IKZF2: variants seen among roughly 807,000 people sequenced by gnomAD.
IKZF2 encodes the protein IKAROS family zinc finger 2.
A neutral mutation model predicts 49.2 loss-of-function variants in IKZF2; 15 were observed. The ratio of observed to expected loss-of-function variants is 0.30; its 90% confidence interval spans 0.20 to 0.47. IKZF2 has a LOEUF of 0.47. Ranked by LOEUF, IKZF2 falls within the 20% of genes least tolerant of loss-of-function variation. The pLI, the probability that IKZF2 is intolerant of heterozygous loss-of-function variation, is 1.00. For missense variants in IKZF2, 567 were observed against 664.6 expected (o/e 0.85, Z 1.61); for synonymous variants, 227 against 221.4 (o/e 1.03, Z -0.23).
At chr2:213,090,342 G>T (rs1705162180) in intron 4 of IKZF2, among the ~76,000 whole-genome samples, 2 of 152,138 alleles carry the variant, frequency 1.3e-5, no homozygotes, top group Non-Finnish European at 2.9e-5. Context: ...GTCAAGGCTG[G>T]TAAGGTCTGT....
chr2:213,124,252 G>GCACACACA lies in IKZF2; in HGVS notation c.139+23448_139+23455dup, dbSNP rs66958263. On this transcript the variant is annotated intron_variant, in intron 4 of 8. Coordinates refer to ENST00000434687, the MANE Select transcript of IKZF2 (RefSeq NM_001387220.1). ...CGCACACATGCGCTCGCGCGCGCGCGCACACACACACACACACACACACAC... is the reference window on the plus strand; with the variant it reads ...CGCACACATGCGCTCGCGCGCGCGCGCACACACACACACACACACACACACACACACAC... 4.4e-5 allele frequency among the ~76,000 whole-genome samples: 6 copies of GCACACACA among 136,236 alleles called. 1 individual carries two copies. The highest frequency in any genetic ancestry group is 1.6e-4 in the African/African-American group (6 of 36,870). The allele number at this position is 136,236 out of a possible 152,430, so 89.4% of individuals were successfully genotyped here.
intron 4 of IKZF2, among the ~76,000 whole-genome samples, chr2:213,133,884 A>G (rs1235850440): frequency 1.3e-5 from 2 of 152,150 alleles, no homozygotes; most frequent in African/African-American, 2.4e-5. Flanking sequence ...CTTACAAATA[A>G]AATGGTATTC....
intron 8 of IKZF2, among the ~76,000 whole-genome samples, chr2:213,011,403 G>A (rs1279513135): frequency 6.6e-6 from 1 of 151,906 alleles, no homozygotes; most frequent in Non-Finnish European, 1.5e-5. Context: ...AATAGCGTGA[G>A]GTATCTGGGG....
intron 4 of IKZF2, among the ~76,000 whole-genome samples, chr2:213,078,849 C>T (rs954793706): frequency 6.6e-6 from 1 of 152,220 alleles, no homozygotes; most frequent in African/African-American, 2.4e-5. Context: ...TGTTAACCAA[C>T]TGTGTTCACA....
Position 213,039,273 on chromosome 2 carries a change from G to A in IKZF2, c.574+10440C>T, listed in dbSNP as rs555237579. ...AAGTCAATATTAGGAACTAGTATAA[G>A]CATTCAATATTTCTGAGCTATTTTT... is the stretch of plus-strand genomic sequence containing the variant. On this transcript the variant is annotated intron_variant, in intron 6 of 8. Transcript: ENST00000434687. Among the ~76,000 whole-genome samples the A allele has an allele frequency of 4.6e-5, 7 of 152,052 alleles. No homozygotes were observed. The East Asian group carries it at 1.3e-3, about 29-fold the overall frequency.
At chr2:213,096,656 T>G (rs923243014) in intron 4 of IKZF2, among the ~76,000 whole-genome samples, 3 of 152,010 alleles carry the variant, frequency 2.0e-5, no homozygotes, top group Non-Finnish European at 4.4e-5. Flanking sequence ...CTCCAGTGTC[T>G]ACTTTTGTGG....
chr2:213,007,789 G>C lies in IKZF2; in HGVS notation c.1152C>G (p.Ile384Met). ...DSHENNMDGPISLIRPKSRPQ... is the reference protein window; with the variant it reads ...DSHENNMDGPMSLIRPKSRPQ... ...GTCGACTCTTTGGTCTGATGAGAGA[G>C]ATGGGGCCATCCATGTTGTTTTCAT... The change falls in exon 9 of 9, where the codon ATC (isoleucine) becomes ATG (methionine). Residue 384 changes from isoleucine (I) to methionine (M), a missense_variant. Around this residue, in one of 5 missense-constraint regions of IKZF2, gnomAD observed 310 missense variants for 326.9 expected, o/e 0.95. Coordinates refer to ENST00000434687, the MANE Select transcript of IKZF2 (RefSeq NM_001387220.1). 1.9e-6 allele frequency: 3 copies of C among 1,613,644 alleles called. No homozygotes were observed. Among genetic ancestry groups the C allele is most frequent in the East Asian group, 2.2e-5 (1 of 44,844 alleles).
At chr2:213,057,851 T>C (rs1278569158) in intron 4 of IKZF2, among the ~76,000 whole-genome samples, 1 of 152,164 alleles carries the variant, frequency 6.6e-6, no homozygotes, top group Admixed American at 6.6e-5. Flanking sequence ...AGCATGCATG[T>C]ACACACTTGC....
At position 213,119,354 on chromosome 2, in the gene IKZF2, C is replaced by T. The variant is rs116637645; in HGVS notation, c.139+28354G>A. 4.3e-3 allele frequency among the ~76,000 whole-genome samples: 653 copies of T among 152,204 alleles called. 1 individual carries two copies. Among genetic ancestry groups the T allele is most frequent in the Admixed American group, 0.011 (173 of 15,278 alleles). On this transcript the variant is annotated intron_variant, in intron 4 of 8. Coordinates refer to ENST00000434687, the MANE Select transcript of IKZF2 (RefSeq NM_001387220.1). Reference sequence around the variant, plus strand: ...TGCATTCTAAGTACTCATCCTACCACAACCTCATTTTTTTTAATGAAATAG... The same window carrying T: ...TGCATTCTAAGTACTCATCCTACCATAACCTCATTTTTTTTAATGAAATAG...
At chr2:213,077,537 T>C (rs1274141253) in intron 4 of IKZF2, among the ~76,000 whole-genome samples, 2 of 151,862 alleles carry the variant, frequency 1.3e-5, no homozygotes, top group East Asian at 3.8e-4. Flanking sequence ...TTAAATTTTT[T>C]TAATTGACCT....
chr2:213,150,771 C>T (rs1286836360), intron 1 of IKZF2, among the ~76,000 whole-genome samples: 1 of 150,794 alleles, frequency 6.6e-6, no homozygotes, highest in Non-Finnish European at 1.5e-5. Flanking sequence ...GCCAACTTCA[C>T]AGGACTGTTT....
chr2:213,115,700 T>C (rs538749126), intron 4 of IKZF2, among the ~76,000 whole-genome samples: 2 of 152,336 alleles, frequency 1.3e-5, no homozygotes, highest in South Asian at 4.1e-4. Context: ...AACAAGTATG[T>C]TCCATTTACT....
intron 4 of IKZF2, among the ~76,000 whole-genome samples, chr2:213,071,937 T>C (rs552220902): frequency 1.3e-5 from 2 of 151,914 alleles, no homozygotes; most frequent in Non-Finnish European, 2.9e-5. Flanking sequence ...CACACAATTT[T>C]TGAATGAAAA....
chr2:213,034,773 G>A lies in IKZF2; in HGVS notation c.575-12643C>T, dbSNP rs548492940. Reference sequence around the variant, plus strand: ...TAAATGTGACAGAGAGACATGAGGTGAGCATGTGTCATTGGAAAAATGGTA... The same window carrying A: ...TAAATGTGACAGAGAGACATGAGGTAAGCATGTGTCATTGGAAAAATGGTA... On this transcript the variant is annotated intron_variant, in intron 6 of 8. Transcript: ENST00000434687. Among the ~76,000 whole-genome samples, 149 of 152,280 alleles carry A rather than the reference G, an allele frequency of 9.8e-4. 1 individual carries two copies. Among genetic ancestry groups the A allele is most frequent in the African/African-American group, 3.5e-3 (144 of 41,558 alleles).
chr2:213,021,596 T>A, intron 7 of IKZF2: 1 of 341,158 alleles, frequency 2.9e-6, no homozygotes, highest in South Asian at 2.3e-5. Flanking sequence ...CTCATAAAAA[T>A]TAAAGGGCCG....
intron 7 of IKZF2, chr2:213,021,771 T>C (rs2125109225): frequency 1.7e-6 from 1 of 591,528 alleles, no homozygotes; most frequent in South Asian, 1.7e-5. Flanking sequence ...CTTTGGTATA[T>C]GAAAGGTTGG....
At chr2:213,109,876 GT>G (rs1253695788) in intron 4 of IKZF2, among the ~76,000 whole-genome samples, 1 of 151,956 alleles carries the variant, frequency 6.6e-6, no homozygotes, top group Non-Finnish European at 1.5e-5. Flanking sequence ...TACAACTGGT[GT>G]TTTAAAACTA....
intron 4 of IKZF2, among the ~76,000 whole-genome samples, chr2:213,127,711 A>G (rs1281624212): frequency 1.3e-5 from 2 of 152,236 alleles, no homozygotes; most frequent in Non-Finnish European, 2.9e-5. Flanking sequence ...TTTGAAATCA[A>G]TAACACACTT....
intron 8 of IKZF2, among the ~76,000 whole-genome samples, chr2:213,008,343 T>G (rs899259172): frequency 6.6e-6 from 1 of 151,836 alleles, no homozygotes. Flanking sequence ...GGGATTCTCA[T>G]GCCTCAGCCA....
Sources: allele counts gnomAD v4.1 joint callset (sites outside exome capture counted in the v4.1 genomes callset), GRCh38; gene constraint gnomAD v4.1.1; regional missense constraint gnomAD v4.1.1; transcripts MANE v1.5; gene names NCBI Gene and HGNC (gene_info 2026-07-23, HGNC 2026-07-21).